Variants in ATRNL1 observed in about 807,000 individuals in gnomAD.
The protein encoded by ATRNL1 is attractin like 1, also known as attractin-like protein 1.
In ATRNL1, 95 loss-of-function variants were observed where a neutral mutation model predicts 182.7. The ratio of observed to expected loss-of-function variants is 0.52; its 90% CI spans 0.44 to 0.62. ATRNL1 has a LOEUF of 0.62. Among genes scored for constraint, ATRNL1 ranks in the 20% least tolerant of loss-of-function variants. ATRNL1 has a pLI of 0.00. For synonymous variants in ATRNL1, 576 were observed against 568.3 expected, an observed-to-expected ratio of 1.01 and a Z score of -0.19; for missense variants, 1,471 against 1,679.5, an observed-to-expected ratio of 0.88 and a Z score of 2.17.
intron 26 of ATRNL1, among the ~76,000 whole-genome samples, chr10:115,614,061 C>G (rs1344076983): frequency 6.6e-6 from 1 of 151,640 alleles, no homozygotes; most frequent in East Asian, 1.9e-4. Flanking sequence ...ATTTTTTATA[C>G]TAATTTTCTG....
At chr10:115,497,845 A>G (rs1849629443) in intron 24 of ATRNL1, among the ~76,000 whole-genome samples, 1 of 151,864 alleles carries the variant, frequency 6.6e-6, no homozygotes, top group African/African-American at 2.4e-5. Context: ...TTTAGTAGAG[A>G]CGGGGTTTCG....
intron 21 of ATRNL1, among the ~76,000 whole-genome samples, chr10:115,444,602 G>A (rs1417653426): frequency 3.4e-5 from 5 of 145,162 alleles, no homozygotes; most frequent in Admixed American, 1.4e-4. Context: ...TGCCATTTTT[G>A]TATTTGTATT....
intron 6 of ATRNL1, 58 bp downstream of exon 6, chr10:115,160,272 TC>T: frequency 1.3e-6 from 2 of 1,489,034 alleles, no homozygotes; most frequent in East Asian, 4.6e-5. Context: ...ATCCAAAATG[TC>T]TTTTTTTTTT....
At chr10:115,875,855 G>A (rs1468813912) in intron 28 of ATRNL1, among the ~76,000 whole-genome samples, 3 of 152,144 alleles carry the variant, frequency 2.0e-5, no homozygotes, top group Non-Finnish European at 4.4e-5. Flanking sequence ...GGTAAAACAA[G>A]GGTTCTCCAC....
At chr10:115,803,398 GAATA>G (rs1555084867) in intron 27 of ATRNL1, among the ~76,000 whole-genome samples, 2 of 152,012 alleles carry the variant, frequency 1.3e-5, no homozygotes, top group Non-Finnish European at 2.9e-5. Flanking sequence ...TCTGAAATAT[GAATA>G]AGGACTACAT....
intron 8 of ATRNL1, among the ~76,000 whole-genome samples, chr10:115,180,183 ATTG>A (rs1411679632): frequency 2.0e-5 from 3 of 151,970 alleles, no homozygotes; most frequent in Non-Finnish European, 4.4e-5. Context: ...ATTTAAAAAA[ATTG>A]TTGATTTTTT....
chr10:115,744,955 C>T (rs1324332191), intron 27 of ATRNL1, among the ~76,000 whole-genome samples: 4 of 152,050 alleles, frequency 2.6e-5, no homozygotes, highest in Non-Finnish European at 5.9e-5. Flanking sequence ...CTCATTCATA[C>T]TCCATCACTG....
At chr10:115,193,146 T>C (rs1160894063) in intron 8 of ATRNL1, among the ~76,000 whole-genome samples, 1 of 152,078 alleles carries the variant, frequency 6.6e-6, no homozygotes, top group Admixed American at 6.6e-5. Context: ...TTTCTAGATA[T>C]TAGAGGAAAG....
chr10:115,901,727 G>A (rs1363076490), intron 28 of ATRNL1, among the ~76,000 whole-genome samples: 1 of 138,116 alleles, frequency 7.2e-6, no homozygotes, highest in East Asian at 2.0e-4. Flanking sequence ...ACACCAGAGA[G>A]GAACAGAACT....
intron 24 of ATRNL1, among the ~76,000 whole-genome samples, chr10:115,511,782 A>T (rs1359504605): frequency 6.6e-6 from 1 of 151,918 alleles, no homozygotes; most frequent in Non-Finnish European, 1.5e-5. Flanking sequence ...TAGATTTTGG[A>T]CATGTTTTCA....
At chr10:115,419,685 T>C (rs1845564718) in intron 20 of ATRNL1, among the ~76,000 whole-genome samples, 1 of 152,224 alleles carries the variant, frequency 6.6e-6, no homozygotes, top group Non-Finnish European at 1.5e-5. Flanking sequence ...AAGGCCATTA[T>C]ATAATAATAG....
At chr10:115,613,228 A>G (rs1484084903) in intron 26 of ATRNL1, among the ~76,000 whole-genome samples, 2 of 152,198 alleles carry the variant, frequency 1.3e-5, no homozygotes, top group Non-Finnish European at 2.9e-5. Context: ...CAGATGTTAG[A>G]CAGGCAACAA....
chr10:115,518,226 G>A (rs1752494460), intron 24 of ATRNL1, among the ~76,000 whole-genome samples: 1 of 151,784 alleles, frequency 6.6e-6, no homozygotes, highest in African/African-American at 2.4e-5. Flanking sequence ...CTGGCCAGTT[G>A]TCCAATGCCT....
chr10:115,771,621 G>C (rs1948995701), intron 27 of ATRNL1, among the ~76,000 whole-genome samples: 3 of 152,260 alleles, frequency 2.0e-5, no homozygotes, highest in Admixed American at 2.0e-4. Context: ...ATTTTCAGCA[G>C]ATCATGAGTC....
intron 18 of ATRNL1, among the ~76,000 whole-genome samples, chr10:115,327,341 AC>A (rs1192109935): frequency 1.8e-4 from 28 of 152,036 alleles, no homozygotes; most frequent in African/African-American, 6.3e-4. Context: ...AAAAATGCTC[AC>A]CATCACTGAC....
rs376232039 is a variant in ATRNL1 at position 115,390,454 on chromosome 10, G to A, written c.3176-4205G>A. On this transcript the variant is annotated intron_variant, in intron 19 of 28. Transcript: ENST00000355044. ...CAAGAGACTATCTTTTCTCCATTGT[G>A]TGTTCTTGACACTTTTGTCAAAAAT... Among the ~76,000 whole-genome samples the A allele has an allele frequency of 7.1e-4, 108 of 152,200 alleles. 2 individuals are homozygous for A. In the South Asian group the frequency reaches 0.021, roughly 30 times the overall value.
At chr10:115,621,885 G>A (rs781986661) in intron 26 of ATRNL1, among the ~76,000 whole-genome samples, 3 of 152,122 alleles carry the variant, frequency 2.0e-5, no homozygotes, top group South Asian at 2.1e-4. Context: ...AGAGAAATGC[G>A]GGTTCCTTAT....
chr10:115,466,597 A>G (rs1848063477), intron 22 of ATRNL1, among the ~76,000 whole-genome samples: 1 of 151,318 alleles, frequency 6.6e-6, no homozygotes, highest in Non-Finnish European at 1.5e-5. Context: ...TGAATGGCAT[A>G]AAATTAAATT....
Position 115,587,206 on chromosome 10 carries a change from T to C in ATRNL1, c.3795+37670T>C, listed in dbSNP as rs1261551759. Among the ~76,000 whole-genome samples, 6 of 151,788 alleles carry C rather than the reference T, an allele frequency of 4.0e-5. No homozygotes were observed. The East Asian group carries it at 1.0e-3, about 25-fold the overall frequency. On this transcript the variant is annotated intron_variant, in intron 26 of 28. Coordinates refer to ENST00000355044, the MANE Select transcript of ATRNL1 (RefSeq NM_207303.4). ...TCTGCAGAGGTTACTGCTGTCTTTT[T>C]GTTTGTCTGTGCCCTGCCCCCAGAG...
Sources: gnomAD v4.1 joint callset for allele counts (sites outside exome capture counted in the v4.1 genomes callset) on GRCh38, gnomAD v4.1.1 for gene constraint, MANE v1.5 for transcripts, NCBI Gene and HGNC (gene_info 2026-07-23, HGNC 2026-07-21) for gene names.